POLA1: variants seen among roughly 807,000 people sequenced by gnomAD.
POLA1 encodes DNA polymerase alpha catalytic subunit.
Under a neutral mutation model 124.0 loss-of-function variants are expected in POLA1, and 15 were observed. That is an observed-to-expected ratio of 0.12 (90% confidence interval 0.08 to 0.19). The LOEUF (loss-of-function observed/expected upper bound fraction) is 0.19. Among genes scored for constraint, POLA1 ranks in the 10% least tolerant of loss-of-function variants. POLA1 has a pLI of 1.00. For synonymous variants in POLA1, 408 were observed against 389.4 expected, an observed-to-expected ratio of 1.05 and a Z score of -0.56; for missense variants, 886 against 1,103.4, an observed-to-expected ratio of 0.80 and a Z score of 2.79.
intron 35 of POLA1, among the ~76,000 whole-genome samples, chrX:24,908,481 G>C (rs77374889): frequency 9.9e-6 from 1 of 101,128 alleles, no homozygotes; most frequent in African/African-American, 3.7e-5. Context: ...GAGAACATGC[G>C]GTGTTTGGTT....
At chrX:24,746,031 C>T (rs1438428003) in intron 24 of POLA1, among the ~76,000 whole-genome samples, 1 of 111,190 alleles carries the variant, frequency 9.0e-6, no homozygotes, top group Non-Finnish European at 1.9e-5. Context: ...TACACATACA[C>T]CACATTTTGT....
intron 35 of POLA1, among the ~76,000 whole-genome samples, chrX:24,915,016 A>T (rs1305368686): frequency 8.9e-6 from 1 of 112,145 alleles, no homozygotes; most frequent in African/African-American, 3.2e-5. Context: ...GTTTAAAATT[A>T]CTGGTTAAGG....
At chrX:24,855,794 G>A (rs139122513) in intron 34 of POLA1, among the ~76,000 whole-genome samples, 2,727 of 110,897 alleles carry the variant, frequency 0.025, 79 homozygotes, top group African/African-American at 0.083. Flanking sequence ...ACCAAAACCC[G>A]TGCATACTGA....
intron 32 of POLA1, among the ~76,000 whole-genome samples, chrX:24,839,563 T>C (rs2046384523): frequency 8.9e-6 from 1 of 111,888 alleles, no homozygotes; most frequent in Non-Finnish European, 1.9e-5. Context: ...GTTCATGCAC[T>C]CAGGTGCACC....
At chrX:24,931,850 G>T (rs1230508385) in intron 36 of POLA1, among the ~76,000 whole-genome samples, 1 of 111,854 alleles carries the variant, frequency 8.9e-6, no homozygotes, top group Non-Finnish European at 1.9e-5. Flanking sequence ...GTTTCTATCA[G>T]GTCTGTTACC....
At chrX:24,723,124 C>A in intron 10 of POLA1, 31 bp from the exon 11 acceptor site, 2 of 1,013,458 alleles carry the variant, frequency 2.0e-6, no homozygotes, top group Non-Finnish European at 2.8e-6. Context: ...TGAAATGTTT[C>A]TTTTCTCGTG....
chrX:24,808,075 A>G (rs1410896417), intron 26 of POLA1, among the ~76,000 whole-genome samples: 1 of 112,007 alleles, frequency 8.9e-6, no homozygotes, highest in Non-Finnish European at 1.9e-5. Flanking sequence ...CATTCAGGAG[A>G]TTGGTAATGA....
At chrX:24,743,522 C>T (rs975871774) in intron 23 of POLA1, among the ~76,000 whole-genome samples, 193 bp downstream of exon 23, 1 of 112,254 alleles carries the variant, frequency 8.9e-6, no homozygotes, top group East Asian at 2.8e-4. Flanking sequence ...TTTTGTTATG[C>T]TGTGTTCCAA....
intron 35 of POLA1, among the ~76,000 whole-genome samples, chrX:24,926,332 G>A (rs1003131667): frequency 5.4e-5 from 6 of 111,448 alleles, no homozygotes; most frequent in Admixed American, 9.5e-5. Flanking sequence ...AATAATTAGG[G>A]GAATAAGGGG....
intron 26 of POLA1, among the ~76,000 whole-genome samples, chrX:24,785,852 C>T (rs1192341905): frequency 9.0e-6 from 1 of 111,667 alleles, no homozygotes; most frequent in East Asian, 2.8e-4. Context: ...TGGCCAACGT[C>T]TTCTCATTTC....
At chrX:24,815,189 C>T in intron 30 of POLA1, 78 bp downstream of exon 30, 1 of 901,330 alleles carries the variant, frequency 1.1e-6, no homozygotes, top group Non-Finnish European at 1.5e-6. Flanking sequence ...AGAACCACCT[C>T]ATCCTTGCAA....
At chrX:24,701,434 C>CTTT (rs1331309084) in intron 2 of POLA1, among the ~76,000 whole-genome samples, 1 of 93,198 alleles carries the variant, frequency 1.1e-5, no homozygotes, top group African/African-American at 3.9e-5. Flanking sequence ...AGGTAGAACT[C>CTTT]TTTTTTTTTT....
chrX:24,874,398 C>T (rs946114406), intron 34 of POLA1, among the ~76,000 whole-genome samples: 1 of 111,803 alleles, frequency 8.9e-6, no homozygotes, highest in East Asian at 2.8e-4. Context: ...TCTTGTAATA[C>T]AATTAAGTCA....
intron 36 of POLA1, among the ~76,000 whole-genome samples, chrX:24,966,019 A>C (rs1321550686): frequency 8.9e-6 from 1 of 112,114 alleles, no homozygotes; most frequent in Non-Finnish European, 1.9e-5. Flanking sequence ...GTAAGATGAC[A>C]AAAGCCCTAT....
chrX:24,729,552 A>T (rs1225923892), intron 15 of POLA1, among the ~76,000 whole-genome samples: 1 of 111,978 alleles, frequency 8.9e-6, no homozygotes, highest in African/African-American at 3.2e-5. Context: ...TTATTTGGTT[A>T]TGCCATAATG....
intron 35 of POLA1, among the ~76,000 whole-genome samples, chrX:24,910,226 A>C (rs1225676693): frequency 0.063 from 60 of 945 alleles, 1 homozygote; most frequent in Non-Finnish European, 0.092. Context: ...AATACCCTTT[A>C]TTTATTTCCT....
chrX:24,853,714 G>A (rs1357270347), intron 34 of POLA1, among the ~76,000 whole-genome samples: 2 of 111,194 alleles, frequency 1.8e-5, no homozygotes, highest in South Asian at 3.8e-4. Context: ...GGATCAGTTG[G>A]TTAATTTTTG....
Position 24,741,490 on chromosome X carries a change from G to A in POLA1, c.2332G>A (p.Ala778Thr). The A allele has an allele frequency of 8.3e-7, 1 of 1,204,426 alleles. No homozygotes were observed. Among genetic ancestry groups the A allele is most frequent in the African/African-American group, 1.7e-5 (1 of 57,574 alleles). ...LPLALQITNI[A>T]GNIMSRTLMG... ...ATTAGCATTGCAGATCACTAACATC[G>A]CTGGGAACATTATGGTAAATTTAAC... Residue 778 changes from alanine to threonine, a missense_variant, in exon 21 of 37, where the codon GCT becomes ACT. Coordinates refer to ENST00000379068, the MANE Select transcript of POLA1 (RefSeq NM_001330360.2).
intron 35 of POLA1, among the ~76,000 whole-genome samples, chrX:24,892,328 G>A (rs1343165528): frequency 1.8e-5 from 2 of 110,906 alleles, no homozygotes; most frequent in African/African-American, 6.5e-5. Context: ...CTCTTTGACA[G>A]GATCATTCAT....
Sources: gnomAD v4.1 joint callset for allele counts (sites outside exome capture counted in the v4.1 genomes callset) on GRCh38, gnomAD v4.1.1 for gene constraint, MANE v1.5 for transcripts, NCBI Gene and HGNC (gene_info 2026-07-23, HGNC 2026-07-21) for gene names.